C8B: variants seen among roughly 807,000 people sequenced by gnomAD.
C8B encodes the protein complement C8 beta chain.
C8B carries 67 observed loss-of-function variants against 64.6 expected under a neutral mutation model. The ratio of observed to expected loss-of-function variants is 1.04; its 90% CI spans 0.85 to 1.27. The LOEUF (loss-of-function observed/expected upper bound fraction) is 1.27. C8B is among the 50% of genes most tolerant of loss of function. The probability of loss-of-function intolerance (pLI) is 0.00; values close to 1 mark genes in which losing one functional copy is unlikely to be tolerated. For missense variants in C8B, 790 were observed against 725.2 expected (o/e 1.09, Z -1.03); for synonymous variants, 284 against 257.7 (o/e 1.10, Z -0.98).
chr1:56,952,245 G>A, intron 4 of C8B, 65 bp from the exon 5 acceptor site: 1 of 1,605,572 alleles, frequency 6.2e-7, no homozygotes, highest in Non-Finnish European at 8.5e-7. Flanking sequence ...TTGACTGTCA[G>A]ACCCTACTGA....
chr1:56,952,157 A>C lies in C8B; in HGVS notation c.557T>G (p.Phe186Cys), dbSNP rs202137767. 5.0e-6 allele frequency: 8 copies of C among 1,614,200 alleles called. No individual in the cohort carries two copies. In the African/African-American group the frequency reaches 1.1e-4, roughly 22 times the overall value. ...CCTGTGATCAAGAACTGGGCCCTCAAAACTGTTTGTGAACAAATTTATCCT... is the reference window on the plus strand; with the variant it reads ...CCTGTGATCAAGAACTGGGCCCTCACAACTGTTTGTGAACAAATTTATCCT... ...ASGINLFTNS[F>C]EGPVLDHRYY... is the part of the protein sequence containing the mutation. Residue 186 changes from phenylalanine to cysteine, a missense_variant, in exon 5 of 12, where the codon TTT becomes TGT. Phe to Cys is a radical substitution (Grantham distance 205). Coordinates refer to ENST00000371237, the MANE Select transcript of C8B (RefSeq NM_000066.4).
intron 3 of C8B, 34 bp from the exon 4 acceptor site, chr1:56,954,861 A>G (rs373123650): frequency 3.1e-6 from 5 of 1,613,996 alleles, no homozygotes; most frequent in Admixed American, 1.7e-5. Context: ...CCACAGCCAC[A>G]TGGTTGGCAA....
At chr1:56,932,660 A>T (rs1187040853) in intron 10 of C8B, among the ~76,000 whole-genome samples, 1 of 152,074 alleles carries the variant, frequency 6.6e-6, no homozygotes, top group East Asian at 1.9e-4. Flanking sequence ...TATCCTCTCC[A>T]AGGAGCCAGA....
At chr1:56,949,408 C>A (rs1038658230) in intron 6 of C8B, 147 bp downstream of exon 6, 2 of 746,958 alleles carry the variant, frequency 2.7e-6, no homozygotes, top group Admixed American at 2.1e-5. Context: ...TATGTGGCAC[C>A]TTGATCTTGG....
chr1:56,958,277 AG>A (rs940739921), intron 2 of C8B, among the ~76,000 whole-genome samples: 2 of 152,208 alleles, frequency 1.3e-5, no homozygotes, highest in African/African-American at 4.8e-5. Context: ...AGTAAACAAA[AG>A]AACACAGGAG....
chr1:56,949,551 T>C lies in C8B; in HGVS notation c.864+4A>G, dbSNP rs777354169. ...ACGTTTAAAAGCAACAAAGACATAC[T>C]TACAGTATGAGAGAATCGTTTGGTT... On this transcript the variant is annotated splice_donor_region_variant and intron_variant, in intron 6 of 11. Transcript: ENST00000371237. 6.2e-7 allele frequency: 1 copy of C among 1,612,370 alleles called. No individual in the cohort carries two copies. Among genetic ancestry groups the C allele is most frequent in the East Asian group, 2.2e-5 (1 of 44,834 alleles).
At chr1:56,964,145 G>T in intron 1 of C8B, 1 of 226,958 alleles carries the variant, frequency 4.4e-6, no homozygotes, top group South Asian at 1.6e-4. Flanking sequence ...GAGAAGGAGA[G>T]ATTACACCCA....
chr1:56,940,707 T>C (rs1473125248), intron 9 of C8B, 142 bp downstream of exon 9: 4 of 854,926 alleles, frequency 4.7e-6, no homozygotes, highest in Non-Finnish European at 7.7e-6. Flanking sequence ...TTATTTCAAA[T>C]ATATTTTCTA....
chr1:56,959,612 G>C, intron 2 of C8B: 1 of 1,535,512 alleles, frequency 6.5e-7, no homozygotes. Context: ...ATGTAGGCTA[G>C]ATTCGGTCAC....
rs1345685998 is a variant in C8B, at chr1:56,929,565, G to C, written c.1622-7C>G. On this transcript the variant is annotated splice_polypyrimidine_tract_variant and splice_region_variant and intron_variant, in intron 11 of 11. Transcript: ENST00000371237. ...TTCCCATCAATGGGGGTATCTATAA[G>C]AAAGAAGGTCAATAAGCATCAATCA... is the stretch of plus-strand genomic sequence containing the variant. The C allele has an allele frequency of 6.2e-7, 1 of 1,613,562 alleles. No individual in the cohort carries two copies. Among genetic ancestry groups the C allele is most frequent in the South Asian group, 1.1e-5 (1 of 91,072 alleles).
rs145693778 is a variant in C8B, at chr1:56,956,625, G to T, written c.391+144C>A. On this transcript the variant is annotated intron_variant, in intron 3 of 11. Transcript: ENST00000371237. ...TTTTATAAAATAATGCATGTGAAAGGAGGTCAGAGATTTTAGGACAAGGAG... is the reference window on the plus strand; with the variant it reads ...TTTTATAAAATAATGCATGTGAAAGTAGGTCAGAGATTTTAGGACAAGGAG... The T allele has an allele frequency of 4.4e-3, 3,520 of 795,856 alleles. 15 individuals are homozygous for T. Among genetic ancestry groups the T allele is most frequent in the Non-Finnish European group, 5.8e-3 (2,629 of 451,124 alleles). The allele number at this position is 795,856 out of a possible 1,614,324, so 49.3% of individuals were successfully genotyped here.
chr1:56,937,167 A>C (rs1260320671), intron 9 of C8B, among the ~76,000 whole-genome samples: 2 of 152,154 alleles, frequency 1.3e-5, no homozygotes, highest in Non-Finnish European at 2.9e-5. Flanking sequence ...TTGCAATGTG[A>C]CTTGTTTTGA....
At chr1:56,950,121 C>T (rs184835632) in intron 5 of C8B, among the ~76,000 whole-genome samples, 92 of 152,138 alleles carry the variant, frequency 6.0e-4, no homozygotes, top group African/African-American at 1.9e-3. Context: ...GTTGAAACAG[C>T]GAGGAGAAAA....
intron 10 of C8B, 26 bp downstream of exon 10, chr1:56,933,309 G>A: frequency 6.2e-7 from 1 of 1,605,958 alleles, no homozygotes; most frequent in Non-Finnish European, 8.5e-7. Context: ...CTTCCACCAG[G>A]GACACCAGCT....
At chr1:56,955,619 CAGACATTTAAACT>C (rs1645091422) in intron 3 of C8B, among the ~76,000 whole-genome samples, 1 of 152,100 alleles carries the variant, frequency 6.6e-6, no homozygotes, top group Admixed American at 6.5e-5. Context: ...TGTTTCTTAC[CAGACATTTAAACT>C]AAAGCCTGTC....
rs1553120321 is a variant in C8B at position 56,965,398 on chromosome 1, A to AGAGTGTGT, written c.92+458_92+459insACACACTC. Among the ~76,000 whole-genome samples the AGAGTGTGT allele has an allele frequency of 9.5e-3, 1,348 of 142,636 alleles. 6 individuals carry two copies. The highest frequency in any genetic ancestry group is 0.019 in the African/African-American group (713 of 37,668). The allele number at this position is 142,636 out of a possible 152,430, so 93.6% of individuals were successfully genotyped here. On this transcript the variant is annotated intron_variant, in intron 1 of 11. Coordinates refer to ENST00000371237, the MANE Select transcript of C8B (RefSeq NM_000066.4). ...GGGGGTGAGAGAGAGAGAGAGAGAG[A>AGAGTGTGT]GTGTGTGTGTGTGTGTGTGTGTGTG...
rs1463376095 is a variant in C8B at position 56,949,412 on chromosome 1, A to G, written c.864+143T>C. On this transcript the variant is annotated intron_variant, in intron 6 of 11. Transcript: ENST00000371237. ...GGCCCTCACTATATGTGGCACCTTG[A>G]TCTTGGACTTCCCAGCCTCCAGAAC... 6.5e-6 allele frequency: 5 copies of G among 765,336 alleles called. No homozygotes were observed. The East Asian group carries it at 1.3e-4, about 20-fold the overall frequency. The allele number at this position is 765,336 out of a possible 1,614,324, so 47.4% of individuals were successfully genotyped here. A position where few individuals can be genotyped will look rare whatever the true frequency, so the allele number is the denominator to read the frequency against.
chr1:56,936,414 T>C (rs1644775332), intron 9 of C8B, among the ~76,000 whole-genome samples: 1 of 152,196 alleles, frequency 6.6e-6, no homozygotes, highest in Non-Finnish European at 1.5e-5. Context: ...TTAAACATTT[T>C]GCATCTTTAT....
intron 1 of C8B, among the ~76,000 whole-genome samples, chr1:56,961,181 G>A (rs1183525734): frequency 1.3e-5 from 2 of 152,146 alleles, no homozygotes; most frequent in East Asian, 1.9e-4. Flanking sequence ...TATGAAGTGT[G>A]TATGATGATT....
Sources: gnomAD v4.1 joint callset for allele counts (sites outside exome capture counted in the v4.1 genomes callset) on GRCh38, gnomAD v4.1.1 for gene constraint, MANE v1.5 for transcripts, NCBI Gene and HGNC (gene_info 2026-07-23, HGNC 2026-07-21) for gene names.